The following LAMA3 variants were observed in gnomAD, a reference collection of about 807,000 sequenced individuals.
LAMA3 encodes the protein laminin subunit alpha 3, also known as laminin subunit alpha-3.
In LAMA3, 281 loss-of-function variants were observed where a neutral mutation model predicts 402.0. The observed-to-expected ratio is 0.70, with a 90% confidence interval of 0.63 to 0.77. The LOEUF is 0.77. Among genes scored for constraint, LAMA3 ranks in the 30% least tolerant of loss-of-function variants. The probability of loss-of-function intolerance (pLI) is 0.00; values close to 1 mark genes in which losing one functional copy is unlikely to be tolerated. For missense variants in LAMA3, 3,840 were observed against 4,215.5 expected, an observed-to-expected ratio of 0.91 and a Z score of 2.47; for synonymous variants, 1,431 against 1,558.4, an observed-to-expected ratio of 0.92 and a Z score of 1.93.
At chr18:23,819,793 A>T (rs769769567) in intron 18 of LAMA3, 48 bp from the exon 19 acceptor site, 2 of 1,524,256 alleles carry the variant, frequency 1.3e-6, no homozygotes, top group Non-Finnish European at 1.8e-6. Flanking sequence ...TGTTCAGATG[A>T]TCTATGGACC....
rs990470162 is a variant in LAMA3, at chr18:23,710,013, C to T, written c.295-3907C>T. 1.2e-4 allele frequency: 87 copies of T among 756,404 alleles called. 3 individuals are homozygous for T. Among genetic ancestry groups the T allele is most frequent in the South Asian group, 1.1e-3 (82 of 74,652 alleles). The allele number at this position is 756,404 out of a possible 1,614,324, so 46.9% of individuals were successfully genotyped here. A position where few individuals can be genotyped will look rare whatever the true frequency, so the allele number is the denominator to read the frequency against. On this transcript the variant is annotated intron_variant, in intron 1 of 74. Coordinates refer to ENST00000313654, the MANE Select transcript of LAMA3 (RefSeq NM_198129.4). Reference sequence around the variant, plus strand: ...ATCCACAACGAACACAAGTGTGTTGCTGTCTTCTATCTTCTTCATGGCGGA... The same window carrying T: ...ATCCACAACGAACACAAGTGTGTTGTTGTCTTCTATCTTCTTCATGGCGGA...
intron 11 of LAMA3, among the ~76,000 whole-genome samples, chr18:23,779,682 G>A (rs113995089): frequency 2.0e-4 from 30 of 152,142 alleles, no homozygotes; most frequent in African/African-American, 6.7e-4. Flanking sequence ...AACAAACAAG[G>A]TCAGAGCAAG....
At chr18:23,762,799 A>G (rs1243282244) in intron 7 of LAMA3, among the ~76,000 whole-genome samples, 2 of 150,020 alleles carry the variant, frequency 1.3e-5, no homozygotes, top group Admixed American at 1.3e-4. Flanking sequence ...GCTCACTACA[A>G]ACTCTGCCTC....
chr18:23,756,454 A>AC (rs1165873746), intron 6 of LAMA3, among the ~76,000 whole-genome samples: 6 of 13,624 alleles, frequency 4.4e-4, no homozygotes, highest in Admixed American at 8.6e-4. Flanking sequence ...CCCCGCCCCC[A>AC]CCCCCCCGCC....
chr18:23,934,390 T>TGCAGTGGGGAAATATTGGTAGAGAA (rs1422933600), intron 67 of LAMA3, among the ~76,000 whole-genome samples: 2 of 152,168 alleles, frequency 1.3e-5, no homozygotes, highest in Non-Finnish European at 2.9e-5. Flanking sequence ...ATGCTTAGGC[T>TGCAGTGGGGAAATATTGGTAGAGAA]GCATCTGACC....
rs537373116 is a variant in LAMA3, at chr18:23,755,038, C to T, written c.947+1226C>T. The stretch of plus-strand genomic sequence containing the variant: ...TCGGCAGTGCTGTTGAGAGAGCTTA[C>T]GCACAAAATGATTAAACTTTAGTGG... On this transcript the variant is annotated intron_variant, in intron 6 of 74. Transcript: ENST00000313654. 1.5e-4 allele frequency among the ~76,000 whole-genome samples: 23 copies of T among 152,290 alleles called. No individual in the cohort carries two copies. The East Asian group carries it at 2.9e-3, about 19-fold the overall frequency.
intron 66 of LAMA3, among the ~76,000 whole-genome samples, chr18:23,933,022 T>C (rs1036847075): frequency 2.6e-5 from 4 of 152,208 alleles, no homozygotes; most frequent in Admixed American, 1.3e-4. Flanking sequence ...CCAGGGGTTG[T>C]TAGCAACAGC....
chr18:23,752,293 C>T (rs2061766549), intron 5 of LAMA3, among the ~76,000 whole-genome samples: 1 of 152,064 alleles, frequency 6.6e-6, no homozygotes, highest in Admixed American at 6.6e-5. Context: ...GGAGCACTGC[C>T]ACAAATGTAC....
chr18:23,836,992 G>A lies in LAMA3; in HGVS notation c.2996G>A (p.Arg999Gln), dbSNP rs199976293. ...GTTTTCTCTTGCAGTGTTCTCTGCCGGAGTGCTGTGATTGATCACATGAGC... is the reference window on the plus strand; with the variant it reads ...GTTTTCTCTTGCAGTGTTCTCTGCCAGAGTGCTGTGATTGATCACATGAGC... The part of the protein sequence containing the change: ...IYSCNYSVLC[R>Q]SAVIDHMSRI... Residue 999 changes from arginine to glutamine, a missense_variant, in exon 25 of 75, where the codon CGG (arginine) becomes CAG (glutamine). By Grantham distance (43) the Arg-to-Gln change is conservative. Around this residue, in one of 3 missense-constraint regions of LAMA3, gnomAD observed 2,109 missense variants for 2,376.0 expected, o/e 0.89. Coordinates refer to ENST00000313654, the MANE Select transcript of LAMA3 (RefSeq NM_198129.4). 595 of 1,613,214 alleles carry A rather than the reference G, an allele frequency of 3.7e-4. 1 individual carries two copies. The highest frequency in any genetic ancestry group is 8.7e-5 in the Non-Finnish European group (103 of 1,179,552).
chr18:23,740,062 C>T (rs2061536976), intron 2 of LAMA3, among the ~76,000 whole-genome samples: 2 of 152,164 alleles, frequency 1.3e-5, no homozygotes, highest in Non-Finnish European at 2.9e-5. Flanking sequence ...GAACCAGGTC[C>T]GAGACAAAAC....
rs374074688 is a variant in LAMA3 at position 23,810,721 on chromosome 18, T to C, written c.1741+218T>C. 8.5e-4 allele frequency among the ~76,000 whole-genome samples: 129 copies of C among 152,306 alleles called. 3 individuals are homozygous for C. The South Asian group carries it at 0.026, about 30-fold the overall frequency. On this transcript the variant is annotated intron_variant, in intron 13 of 74. Transcript: ENST00000313654. The stretch of plus-strand genomic sequence containing the variant: ...CTCAAAGGAATCCAGAAATGATTTT[T>C]TTAACTAAAAATAATGTAAATTTCC...
chr18:23,893,097 A>T (rs990991504), intron 42 of LAMA3, among the ~76,000 whole-genome samples: 2 of 152,134 alleles, frequency 1.3e-5, no homozygotes, highest in African/African-American at 4.8e-5. Context: ...ATTTTTTACA[A>T]TTAAAAGTAA....
At chr18:23,705,450 T>TACACACACAC (rs35025245) in intron 1 of LAMA3, among the ~76,000 whole-genome samples, 7,350 of 145,396 alleles carry the variant, frequency 0.051, 221 homozygotes, top group Non-Finnish European at 0.057. Context: ...TATCATGACA[T>TACACACACAC]ACACACACAC....
intron 62 of LAMA3, among the ~76,000 whole-genome samples, chr18:23,923,591 A>G (rs746663327): frequency 1.3e-5 from 2 of 152,212 alleles, no homozygotes; most frequent in Non-Finnish European, 2.9e-5. Context: ...GGCTTAGTCC[A>G]GGAGCCTGAG....
rs9962023 is a variant in LAMA3, at chr18:23,833,905, T to C, written c.2901T>C (p.Ala967=). 1,105,327 of 1,613,790 alleles carry C rather than the reference T, an allele frequency of 0.68. 381,236 individuals are homozygous for C. The highest frequency in any genetic ancestry group is 0.78 in the Middle Eastern group (4,709 of 6,030). ...TGGTCGAGTATTCCACGGAGGCAGC[T>C]CAGCTGTTTGTGGTTGATGTGAATG... is the stretch of plus-strand genomic sequence containing the variant. ...VVVVEYSTEA[A]QLFVVDVNVK... is the part of the protein sequence containing the mutation. The change falls in exon 24 of 75, where the codon GCT becomes GCC. Residue 967 remains alanine, a synonymous_variant. Coordinates refer to ENST00000313654, the MANE Select transcript of LAMA3 (RefSeq NM_198129.4).
intron 24 of LAMA3, among the ~76,000 whole-genome samples, chr18:23,835,172 G>A (rs1038909910): frequency 1.3e-5 from 2 of 152,254 alleles, no homozygotes; most frequent in East Asian, 1.9e-4. Flanking sequence ...TTAGCCGCAG[G>A]GCCTGGACCA....
intron 70 of LAMA3, among the ~76,000 whole-genome samples, chr18:23,947,113 G>T (rs2082736307): frequency 6.6e-6 from 1 of 152,196 alleles, no homozygotes; most frequent in Non-Finnish European, 1.5e-5. Context: ...GAGGAGGGGT[G>T]CTTTTCTAGG....
At chr18:23,776,313 T>C (rs916496013) in intron 10 of LAMA3, among the ~76,000 whole-genome samples, 3 of 152,126 alleles carry the variant, frequency 2.0e-5, no homozygotes, top group African/African-American at 7.2e-5. Flanking sequence ...AAACGTTTCC[T>C]CTCTCCTGCT....
rs574926034 is a variant in LAMA3, at chr18:23,804,991, C to A, written c.1604-5375C>A. Among the ~76,000 whole-genome samples, 3 of 152,292 alleles carry A rather than the reference C, an allele frequency of 2.0e-5. No individual in the cohort carries two copies. In the South Asian group the frequency reaches 6.2e-4, roughly 32 times the overall value. On this transcript the variant is annotated intron_variant, in intron 12 of 74. Transcript: ENST00000313654. Reference sequence around the variant, plus strand: ...TTGCAAAACTATGCCAATTAAATTTCTTTTCTTCATAAATTACCTAGCCCC... The same window carrying A: ...TTGCAAAACTATGCCAATTAAATTTATTTTCTTCATAAATTACCTAGCCCC...
Sources: allele counts gnomAD v4.1 joint callset (sites outside exome capture counted in the v4.1 genomes callset), GRCh38; gene constraint gnomAD v4.1.1; regional missense constraint gnomAD v4.1.1; transcripts MANE v1.5; gene names NCBI Gene and HGNC (gene_info 2026-07-23, HGNC 2026-07-21).